SPATA7: variants seen among roughly 807,000 people sequenced by gnomAD.
SPATA7 encodes the protein spermatogenesis-associated protein 7.
A neutral mutation model predicts 51.8 loss-of-function variants in SPATA7; 43 were observed. The observed-to-expected ratio is 0.83, with a 90% confidence interval of 0.65 to 1.07. SPATA7 has a LOEUF of 1.07. SPATA7 is among the 50% of genes least tolerant of loss of function. SPATA7 has a pLI of 0.00. For missense variants in SPATA7, 683 were observed against 701.3 expected, an observed-to-expected ratio of 0.97 and a Z score of 0.30; for synonymous variants, 230 against 252.8, an observed-to-expected ratio of 0.91 and a Z score of 0.86.
intron 4 of SPATA7, among the ~76,000 whole-genome samples, chr14:88,463,653 T>C (rs2077331828): frequency 6.6e-6 from 1 of 152,148 alleles, no homozygotes; most frequent in Admixed American, 6.5e-5. Context: ...TTTGCATGGG[T>C]AAATATTACT....
intron 4 of SPATA7, chr14:88,468,098 A>G: frequency 6.2e-7 from 1 of 1,609,864 alleles, no homozygotes; most frequent in Non-Finnish European, 8.5e-7. Context: ...TAAGCTGTAA[A>G]CGCTTCACAT....
intron 4 of SPATA7, chr14:88,466,217 T>C (rs2077360514): frequency 6.6e-6 from 1 of 152,200 alleles, no homozygotes; most frequent in Non-Finnish European, 1.5e-5. Context: ...AAAAGAATTT[T>C]GTATTTACAA....
chr14:88,414,688 A>T (rs761325655), intron 4 of SPATA7: 17 of 409,362 alleles, frequency 4.2e-5, no homozygotes, highest in South Asian at 3.1e-4. Flanking sequence ...TTAGCACTGT[A>T]AACTTGCCTC....
chr14:88,440,763 A>G (rs975241074), downstream of SPATA7, among the ~76,000 whole-genome samples: 2 of 152,054 alleles, frequency 1.3e-5, no homozygotes, highest in African/African-American at 4.8e-5. Flanking sequence ...AGCCTTTATC[A>G]TAGAATACAA....
chr14:88,401,861 AAGT>A (rs2076069288), intron 4 of SPATA7, among the ~76,000 whole-genome samples: 3 of 150,320 alleles, frequency 2.0e-5, no homozygotes, highest in Non-Finnish European at 3.0e-5. Flanking sequence ...AAAAAAAAAA[AAGT>A]AAGGTTACTT....
At chr14:88,468,338 GTCC>G (rs1275500365) in intron 4 of SPATA7, 1 of 1,417,934 alleles carries the variant, frequency 7.1e-7, no homozygotes, top group Non-Finnish European at 9.5e-7. Context: ...GGACACGAGT[GTCC>G]TGGCAGAAAC....
downstream of SPATA7, among the ~76,000 whole-genome samples, chr14:88,441,202 G>A (rs534493184): frequency 0.016 from 2,412 of 151,768 alleles, 62 homozygotes; most frequent in African/African-American, 0.055. Context: ...GTGTGTGTGT[G>A]TGTATATATA....
intron 4 of SPATA7, among the ~76,000 whole-genome samples, chr14:88,406,321 G>A (rs1450616177): frequency 2.0e-5 from 3 of 151,730 alleles, no homozygotes; most frequent in Non-Finnish European, 2.9e-5. Context: ...TTACAGAATT[G>A]TGCAACCACA....
downstream of SPATA7, among the ~76,000 whole-genome samples, chr14:88,459,824 T>C (rs1246059230): frequency 3.3e-5 from 5 of 152,310 alleles, no homozygotes; most frequent in East Asian, 9.7e-4. Context: ...GGTCTTTACA[T>C]TTTGGCATGT....
At position 88,421,721 on chromosome 14, in the gene SPATA7, C is replaced by T. The variant is rs572704554; in HGVS notation, c.373-4511C>T. On this transcript the variant is annotated intron_variant, in intron 5 of 11. Transcript: ENST00000393545. ...ATCCCAGCACTTTGGGAGGCTGAGG[C>T]GGGCGGATCACAAGGTCAGGAGTTC... 3.0e-3 allele frequency among the ~76,000 whole-genome samples: 460 copies of T among 152,140 alleles called. 2 individuals carry two copies. Among genetic ancestry groups the T allele is most frequent in the African/African-American group, 0.011 (454 of 41,522 alleles).
At position 88,391,428 on chromosome 14, in the gene SPATA7, A is replaced by G. The variant is rs1880165526; in HGVS notation, c.67A>G (p.Lys23Glu). The change falls in exon 2 of 12, where the codon AAA becomes GAA. Residue 23 changes from lysine to glutamate, a missense_variant. Coordinates refer to ENST00000393545, the MANE Select transcript of SPATA7 (RefSeq NM_018418.5). ...LPRYGPPCLFKGHLSTKSNAF... is the reference protein window; with the variant it reads ...LPRYGPPCLFEGHLSTKSNAF... ...CAGATATGGTCCACCGTGCCTATTT[A>G]AAGGACACTTGAGCACCAAAAGTAA... 6.2e-7 allele frequency: 1 copy of G among 1,613,812 alleles called. No homozygotes were observed. Among genetic ancestry groups the G allele is most frequent in the African/African-American group, 1.3e-5 (1 of 75,028 alleles).
At chr14:88,455,576 C>T (rs1352370549), downstream of SPATA7, among the ~76,000 whole-genome samples, 1 of 151,564 alleles carries the variant, frequency 6.6e-6, no homozygotes. Context: ...ATTAAATATA[C>T]ACACCTTTAC....
chr14:88,391,413 C>T lies in SPATA7; in HGVS notation c.52C>T (p.Pro18Ser), dbSNP rs1190899058. 1 of 1,613,416 alleles carries T rather than the reference C, an allele frequency of 6.2e-7. No individual in the cohort carries two copies. The highest frequency in any genetic ancestry group is 8.5e-7 in the Non-Finnish European group (1 of 1,179,724). Residue 18 changes from proline (P) to serine (S), a missense_variant, in exon 2 of 12, where the codon CCA becomes TCA. Pro to Ser is a moderately conservative substitution (Grantham distance 74). Coordinates refer to ENST00000393545, the MANE Select transcript of SPATA7 (RefSeq NM_018418.5). ...AACCTCTGTCCTTCCCAGATATGGT[C>T]CACCGTGCCTATTTAAAGGACACTT... The part of the protein sequence containing the change: ...RATSVLPRYG[P>S]PCLFKGHLST...
At chr14:88,404,073 T>C (rs762673905) in intron 4 of SPATA7, among the ~76,000 whole-genome samples, 2 of 152,118 alleles carry the variant, frequency 1.3e-5, no homozygotes, top group Non-Finnish European at 2.9e-5. Context: ...CAACCTGATA[T>C]ATATATAAAC....
At chr14:88,410,420 G>A (rs1385721369) in intron 4 of SPATA7, among the ~76,000 whole-genome samples, 3 of 151,694 alleles carry the variant, frequency 2.0e-5, no homozygotes, top group Non-Finnish European at 4.4e-5. Context: ...CAACCCCTGC[G>A]TTTTTTGTTC....
intron 4 of SPATA7, among the ~76,000 whole-genome samples, chr14:88,396,808 T>C (rs1174386024): frequency 6.6e-6 from 1 of 152,134 alleles, no homozygotes; most frequent in Non-Finnish European, 1.5e-5. Context: ...GTGGAATTGC[T>C]AAATCATATA....
chr14:88,438,369 T>C lies in SPATA7; in HGVS notation c.1747T>C (p.Ser583Pro). Residue 583 changes from serine (S) to proline (P), a missense_variant, in exon 12 of 12, where the codon TCA becomes CCA. Physicochemically the swap from Ser to Pro is moderately conservative, Grantham distance 74. Transcript: ENST00000393545. ...CGACAATAATCATGACATGGAGTTA[T>C]CAACTCTTAAAATCATGGAAATGAG... The part of the protein sequence containing the change: ...KGDNNHDMEL[S>P]TLKIMEMSIE... The C allele has an allele frequency of 6.2e-7, 1 of 1,614,104 alleles. No homozygotes were observed. The highest frequency in any genetic ancestry group is 8.5e-7 in the Non-Finnish European group (1 of 1,180,004).
intron 3 of SPATA7, among the ~76,000 whole-genome samples, chr14:88,452,530 C>T (rs758156776): frequency 2.0e-5 from 3 of 152,126 alleles, no homozygotes; most frequent in South Asian, 2.1e-4. Flanking sequence ...TCTGCTGTCC[C>T]GCAGAGCCTA....
Position 88,437,838 on chromosome 14 carries a change from G to GA in SPATA7, c.1222dup (p.Met408AsnfsTer25). 2 of 1,586,980 alleles carry GA rather than the reference G, an allele frequency of 1.3e-6. No individual in the cohort carries two copies. The highest frequency in any genetic ancestry group is 2.4e-5 in the South Asian group (2 of 84,908). ...TAGTCTCATCTTTTCTTAATCCTAG[G>GA]AAAAAATGCGCCACCTGCTGCATGT... On this transcript the variant is annotated frameshift_variant and splice_region_variant, in exon 12 of 12. Coordinates refer to ENST00000393545, the MANE Select transcript of SPATA7 (RefSeq NM_018418.5). LOFTEE classifies it low-confidence loss of function (END_TRUNC).
Sources: allele counts gnomAD v4.1 joint callset (sites outside exome capture counted in the v4.1 genomes callset), GRCh38; gene constraint gnomAD v4.1.1; transcripts MANE v1.5; gene names NCBI Gene and HGNC (gene_info 2026-07-23, HGNC 2026-07-21).